Variants in ARHGAP15 observed in about 807,000 individuals in gnomAD.
ARHGAP15 encodes the protein rho GTPase-activating protein 15.
In ARHGAP15, 51 loss-of-function variants were observed where a neutral mutation model predicts 63.7. That is an observed-to-expected ratio of 0.80 (90% CI 0.64 to 1.01). ARHGAP15 has a LOEUF of 1.01. Among genes scored for constraint, ARHGAP15 ranks in the 50% least tolerant of loss-of-function variants. The pLI, the probability that ARHGAP15 is intolerant of heterozygous loss-of-function variation, is 0.00. For missense variants in ARHGAP15, 560 were observed against 564.6 expected, an observed-to-expected ratio of 0.99 and a Z score of 0.08; for synonymous variants, 191 against 193.8, an observed-to-expected ratio of 0.99 and a Z score of 0.12.
intron 6 of ARHGAP15, among the ~76,000 whole-genome samples, chr2:143,324,687 T>C (rs1001339731): frequency 2.0e-5 from 3 of 152,200 alleles, no homozygotes; most frequent in Admixed American, 6.5e-5. Flanking sequence ...TATGAATTTT[T>C]AAGCAATTTA....
chr2:143,706,339 T>C (rs1244185539), intron 13 of ARHGAP15: 13 of 152,202 alleles, frequency 8.5e-5, no homozygotes, highest in Admixed American at 7.9e-4. Context: ...ATTTGGTAGT[T>C]CTTCAGAAAA....
chr2:143,240,285 C>T (rs1693817890), intron 5 of ARHGAP15, among the ~76,000 whole-genome samples: 1 of 151,930 alleles, frequency 6.6e-6, no homozygotes, highest in Admixed American at 6.6e-5. Flanking sequence ...TTAAATAATG[C>T]AATATATCTA....
chr2:143,768,167 G>A lies in ARHGAP15; in HGVS notation c.1423G>A (p.Asp475Asn), dbSNP rs756039739. ...CAGTAAGATCTTCGGCTCAGAGGAAGACTGACAGACAAGACAAGCTACTGA... is the reference window on the plus strand; with the variant it reads ...CAGTAAGATCTTCGGCTCAGAGGAAAACTGACAGACAAGACAAGCTACTGA... ...EYSKIFGSEE[D>N] The change falls in exon 14 of 14, where the codon GAC becomes AAC. Residue 475 changes from aspartate (D) to asparagine (N), a missense_variant. By Grantham distance (23) the Asp-to-Asn change is conservative. Transcript: ENST00000295095. The A allele has an allele frequency of 6.2e-7, 1 of 1,612,916 alleles. No homozygotes were observed. The highest frequency in any genetic ancestry group is 2.2e-5 in the East Asian group (1 of 44,840).
At chr2:143,205,482 A>G (rs1692297525) in intron 3 of ARHGAP15, among the ~76,000 whole-genome samples, 1 of 152,146 alleles carries the variant, frequency 6.6e-6, no homozygotes, top group Non-Finnish European at 1.5e-5. Flanking sequence ...CATGACTACA[A>G]TAATTGCTGG....
intron 6 of ARHGAP15, chr2:143,351,102 T>G (rs1431071077): frequency 6.6e-6 from 1 of 152,148 alleles, no homozygotes; most frequent in Non-Finnish European, 1.5e-5. Context: ...AGGTCAAAAG[T>G]TTAAGAATGG....
chr2:143,267,277 A>T (rs1574182254), intron 6 of ARHGAP15, among the ~76,000 whole-genome samples: 1 of 152,178 alleles, frequency 6.6e-6, no homozygotes, highest in Non-Finnish European at 1.5e-5. Flanking sequence ...TGATAAAGCC[A>T]TTCCAGAGAT....
intron 6 of ARHGAP15, among the ~76,000 whole-genome samples, chr2:143,313,806 C>T (rs910106449): frequency 4.6e-5 from 7 of 151,756 alleles, no homozygotes; most frequent in Non-Finnish European, 7.4e-5. Flanking sequence ...ACCTTGATAT[C>T]CTAGTACCCA....
At chr2:143,491,289 C>T (rs897392973) in intron 9 of ARHGAP15, among the ~76,000 whole-genome samples, 15 of 152,166 alleles carry the variant, frequency 9.9e-5, no homozygotes, top group Admixed American at 5.9e-4. Context: ...AGTAACAGCT[C>T]TTTAGTTTTA....
At chr2:143,531,165 T>C (rs1021507151) in intron 10 of ARHGAP15, among the ~76,000 whole-genome samples, 4 of 151,874 alleles carry the variant, frequency 2.6e-5, no homozygotes, top group Admixed American at 6.6e-5. Context: ...AGCTTTAATA[T>C]CCTAACTGAG....
At chr2:143,541,253 T>A (rs1695035228) in intron 10 of ARHGAP15, among the ~76,000 whole-genome samples, 1 of 152,212 alleles carries the variant, frequency 6.6e-6, no homozygotes, top group Admixed American at 6.5e-5. Context: ...CTTCTCTGCA[T>A]TGGTTATTCT....
chr2:143,323,921 A>AAAAAAAAAC (rs1558893097), intron 6 of ARHGAP15, among the ~76,000 whole-genome samples: 3 of 149,544 alleles, frequency 2.0e-5, no homozygotes, highest in African/African-American at 7.4e-5. Context: ...AAAAAAAAAA[A>AAAAAAAAAC]AACACCTAAA....
chr2:143,401,617 A>AT (rs1687991262), intron 6 of ARHGAP15, among the ~76,000 whole-genome samples: 1 of 151,926 alleles, frequency 6.6e-6, no homozygotes, highest in Non-Finnish European at 1.5e-5. Context: ...CTTTCAAAAT[A>AT]TTTTTTTAGA....
At chr2:143,501,709 AC>A (rs1254129903) in intron 9 of ARHGAP15, among the ~76,000 whole-genome samples, 1 of 152,232 alleles carries the variant, frequency 6.6e-6, no homozygotes, top group Non-Finnish European at 1.5e-5. Flanking sequence ...TTAGAAATAT[AC>A]TACTAAACAC....
chr2:143,422,656 C>T (rs181751859), intron 6 of ARHGAP15, among the ~76,000 whole-genome samples: 14 of 152,110 alleles, frequency 9.2e-5, no homozygotes, highest in African/African-American at 2.2e-4. Context: ...GTGCCTTGAA[C>T]GCAAGTATGG....
At chr2:143,763,263 C>A (rs1490653597) in intron 13 of ARHGAP15, among the ~76,000 whole-genome samples, 1 of 152,036 alleles carries the variant, frequency 6.6e-6, no homozygotes, top group Non-Finnish European at 1.5e-5. Context: ...GGTTGATTTC[C>A]TCTGTAATCC....
chr2:143,436,429 A>C (rs988109623), intron 7 of ARHGAP15, among the ~76,000 whole-genome samples: 3 of 152,302 alleles, frequency 2.0e-5, no homozygotes, highest in East Asian at 3.9e-4. Context: ...GTAAAATAAC[A>C]AATTTACTTT....
At chr2:143,418,877 T>C (rs1473966682) in intron 6 of ARHGAP15, among the ~76,000 whole-genome samples, 4 of 152,054 alleles carry the variant, frequency 2.6e-5, no homozygotes, top group Non-Finnish European at 5.9e-5. Context: ...ACACCTGATA[T>C]TGATGGCTGA....
chr2:143,175,878 A>G (rs1690992220), intron 2 of ARHGAP15, among the ~76,000 whole-genome samples: 1 of 152,214 alleles, frequency 6.6e-6, no homozygotes, highest in Admixed American at 6.5e-5. Context: ...AGAGAATCAG[A>G]AGAGACAGTG....
intron 5 of ARHGAP15, among the ~76,000 whole-genome samples, chr2:143,230,395 G>A (rs1011856341): frequency 7.2e-5 from 11 of 152,138 alleles, no homozygotes; most frequent in African/African-American, 2.4e-4. Context: ...TTGATTGCAG[G>A]CAAATCTTGC....
Sources: allele counts gnomAD v4.1 joint callset (sites outside exome capture counted in the v4.1 genomes callset), GRCh38; gene constraint gnomAD v4.1.1; transcripts MANE v1.5; gene names NCBI Gene and HGNC (gene_info 2026-07-23, HGNC 2026-07-21).